Variants in PKD2L2 observed in about 807,000 individuals in gnomAD.
PKD2L2 encodes polycystin-2-like protein 2.
PKD2L2 carries 67 observed loss-of-function variants against 83.9 expected under a neutral mutation model. The ratio of observed to expected loss-of-function variants is 0.80; its 90% CI spans 0.66 to 0.98. The LOEUF (loss-of-function observed/expected upper bound fraction) is 0.98. Among genes scored for constraint, PKD2L2 ranks in the 50% least tolerant of loss-of-function variants. The probability of loss-of-function intolerance (pLI) is 0.00; values close to 1 mark genes in which losing one functional copy is unlikely to be tolerated. For synonymous variants in PKD2L2, 223 were observed against 237.8 expected (o/e 0.94, Z 0.57); for missense variants, 632 against 717.2 (o/e 0.88, Z 1.36).
intron 8 of PKD2L2, among the ~76,000 whole-genome samples, chr5:137,911,103 C>T (rs939847881): frequency 7.2e-5 from 11 of 152,076 alleles, no homozygotes; most frequent in African/African-American, 2.7e-4. Flanking sequence ...AACTCTATAC[C>T]AATTAAACAA....
intron 8 of PKD2L2, among the ~76,000 whole-genome samples, chr5:137,916,148 G>A (rs1483624416): frequency 6.6e-6 from 1 of 151,774 alleles, no homozygotes; most frequent in Non-Finnish European, 1.5e-5. Flanking sequence ...GGGATCACAG[G>A]CATGAGTCAT....
intron 11 of PKD2L2, among the ~76,000 whole-genome samples, chr5:137,925,591 AATACTT>A (rs1435108713): frequency 2.0e-5 from 3 of 152,394 alleles, no homozygotes; most frequent in African/African-American, 7.2e-5. Context: ...ACTTACGGAC[AATACTT>A]ATACTTACAC....
At position 137,892,425 on chromosome 5, in the gene PKD2L2, C is replaced by T; in HGVS notation, c.134-55C>T. 7 of 988,794 alleles carry T rather than the reference C, an allele frequency of 7.1e-6. No homozygotes were observed. In the Admixed American group the frequency reaches 8.9e-5, roughly 13 times the overall value. 61.3% of individuals were successfully genotyped at this position (988,794 alleles called of 1,614,324 possible). A position where few individuals can be genotyped will look rare whatever the true frequency, so the allele number is the denominator to read the frequency against. On this transcript the variant is annotated intron_variant, in intron 2 of 14. Coordinates refer to ENST00000508883, the MANE Select transcript of PKD2L2 (RefSeq NM_001300921.2). The stretch of plus-strand genomic sequence containing the variant: ...AGAAAAAAATGTAACATTTTTAATC[C>T]TGATAAGCTGAGTTTTTAAATGTAA...
chr5:137,912,656 C>T (rs932162554), intron 8 of PKD2L2, among the ~76,000 whole-genome samples: 7 of 151,938 alleles, frequency 4.6e-5, no homozygotes, highest in South Asian at 4.1e-4. Context: ...TGTGAGCCAC[C>T]GTGCCTGGCC....
At chr5:137,923,767 A>T (rs970875063) in intron 10 of PKD2L2, among the ~76,000 whole-genome samples, 3 of 152,206 alleles carry the variant, frequency 2.0e-5, no homozygotes, top group Non-Finnish European at 4.4e-5. Context: ...AGTTCAATAT[A>T]TCAAATAGTT....
chr5:137,940,185 T>C lies in PKD2L2; in HGVS notation c.*18-2199T>C, dbSNP rs376178626. Reference sequence around the variant, plus strand: ...TACACACGATGATAGCTTCAAGGAATACAACTGACTTTATGATATGAATTT... The same window carrying C: ...TACACACGATGATAGCTTCAAGGAACACAACTGACTTTATGATATGAATTT... On this transcript the variant is annotated intron_variant, in intron 14 of 14. Coordinates refer to ENST00000508883, the MANE Select transcript of PKD2L2 (RefSeq NM_001300921.2). The C allele has an allele frequency of 5.6e-6, 9 of 1,613,646 alleles. No individual in the cohort carries two copies. In the African/African-American group the frequency reaches 9.3e-5, roughly 17 times the overall value.
intron 8 of PKD2L2, among the ~76,000 whole-genome samples, chr5:137,910,281 GGTAATAATTGGCATTGAA>G (rs1288377593): frequency 6.9e-6 from 1 of 145,424 alleles, no homozygotes; most frequent in Non-Finnish European, 1.5e-5. Context: ...AATAAAACTT[GGTAATAATTGGCATTGAA>G]TACAGATGTA....
chr5:137,900,257 T>A (rs143011542), intron 5 of PKD2L2, among the ~76,000 whole-genome samples: 2 of 152,366 alleles, frequency 1.3e-5, no homozygotes, highest in East Asian at 3.9e-4. Context: ...AAGTGTCGTG[T>A]GATGCTCACC....
intron 4 of PKD2L2, among the ~76,000 whole-genome samples, chr5:137,898,994 CTTAA>C (rs1464401268): frequency 6.6e-6 from 1 of 152,200 alleles, no homozygotes; most frequent in Non-Finnish European, 1.5e-5. Context: ...TACATTAAAT[CTTAA>C]TTAAATCGTA....
intron 6 of PKD2L2, among the ~76,000 whole-genome samples, chr5:137,907,063 C>T (rs1757430799): frequency 6.6e-6 from 1 of 152,154 alleles, no homozygotes; most frequent in South Asian, 2.1e-4. Context: ...ATGTTTCTGG[C>T]TTATACAATC....
Position 137,892,603 on chromosome 5 carries a change from AT to A in PKD2L2, c.262del (p.Trp88GlyfsTer26). On this transcript the variant is annotated frameshift_variant, in exon 3 of 15. Coordinates refer to ENST00000508883, the MANE Select transcript of PKD2L2 (RefSeq NM_001300921.2). LOFTEE classifies it high-confidence loss of function. ...TTTAAGTCCATTCGCAGCATAACTG[AT>A]TTTTGGAAGGTAAAGTATCTTGTGA... ...TNFKSIRSIT[D>X]FWKFMEGPLL... 1 of 1,611,346 alleles carries A rather than the reference AT, an allele frequency of 6.2e-7. No homozygotes were observed. Among genetic ancestry groups the A allele is most frequent in the Non-Finnish European group, 8.5e-7 (1 of 1,179,208 alleles).
chr5:137,935,375 C>T (rs1760242331), intron 12 of PKD2L2, among the ~76,000 whole-genome samples: 9 of 152,174 alleles, frequency 5.9e-5, no homozygotes, highest in Admixed American at 5.9e-4. Context: ...GTTTTGAAGT[C>T]ATCTGACTGA....
intron 14 of PKD2L2, chr5:137,940,441 C>CG (rs1761327511): frequency 1.5e-6 from 1 of 650,922 alleles, no homozygotes; most frequent in Non-Finnish European, 2.5e-6. Flanking sequence ...TGTTACTAAA[C>CG]ATAAGTTCAA....
At chr5:137,938,925 A>G (rs1048754844) in intron 14 of PKD2L2, 1 of 152,114 alleles carries the variant, frequency 6.6e-6, no homozygotes, top group East Asian at 1.9e-4. Context: ...AAAGCACCAG[A>G]AAAAAAAGTT....
chr5:137,891,672 C>G (rs994217802), intron 2 of PKD2L2, among the ~76,000 whole-genome samples: 3 of 151,748 alleles, frequency 2.0e-5, no homozygotes, highest in African/African-American at 7.3e-5. Flanking sequence ...CAACCTGAAT[C>G]TCCATTTATA....
At chr5:137,930,767 C>CA (rs144930588) in intron 12 of PKD2L2, among the ~76,000 whole-genome samples, 2,105 of 146,970 alleles carry the variant, frequency 0.014, 39 homozygotes, top group African/African-American at 0.048. Context: ...AAAAAATACT[C>CA]AGAGGAAAAT....
At chr5:137,892,402 A>G (rs1341845437) in intron 2 of PKD2L2, 78 bp from the exon 3 acceptor site, 3 of 745,568 alleles carry the variant, frequency 4.0e-6, no homozygotes, top group African/African-American at 1.8e-5. Flanking sequence ...CAAAATTGAG[A>G]AAAAAATGTA....
At chr5:137,908,062 C>A in intron 7 of PKD2L2, 150 bp downstream of exon 7, 1 of 395,138 alleles carries the variant, frequency 2.5e-6, no homozygotes, top group Non-Finnish European at 4.4e-6. Context: ...TACCTGTACT[C>A]CTAGCACTTT....
At chr5:137,923,810 G>C (rs1759141216) in intron 10 of PKD2L2, among the ~76,000 whole-genome samples, 1 of 152,166 alleles carries the variant, frequency 6.6e-6, no homozygotes, top group Admixed American at 6.5e-5. Context: ...AAGCGCTGCT[G>C]AGTATTATAA....
Sources: allele counts gnomAD v4.1 joint callset (sites outside exome capture counted in the v4.1 genomes callset), GRCh38; gene constraint gnomAD v4.1.1; transcripts MANE v1.5; gene names NCBI Gene and HGNC (gene_info 2026-07-23, HGNC 2026-07-21).